Variants in MYO5C observed in about 807,000 individuals in gnomAD.
The protein encoded by MYO5C is myosin VC, also known as unconventional myosin-Vc.
MYO5C carries 194 observed loss-of-function variants against 235.7 expected under a neutral mutation model. The observed-to-expected ratio is 0.82, with a 90% CI of 0.73 to 0.93. MYO5C has a LOEUF of 0.93. Among genes scored for constraint, MYO5C ranks in the 40% least tolerant of loss-of-function variants. MYO5C has a pLI of 0.00. For synonymous variants in MYO5C, 707 were observed against 754.8 expected (o/e 0.94, Z 1.04); for missense variants, 2,038 against 2,127.2 (o/e 0.96, Z 0.82).
intron 6 of MYO5C, 24 bp downstream of exon 6, chr15:52,272,556 G>A (rs899645899): frequency 1.2e-6 from 2 of 1,609,536 alleles, no homozygotes; most frequent in African/African-American, 2.7e-5. Context: ...CAAAAAGTTG[G>A]GGAAAAGGAA....
intron 5 of MYO5C, among the ~76,000 whole-genome samples, chr15:52,274,935 C>T (rs192109179): frequency 5.3e-5 from 8 of 152,290 alleles, no homozygotes; most frequent in East Asian, 3.9e-4. Flanking sequence ...TCCCATTTTG[C>T]GGGGCAGCTG....
At chr15:52,228,168 G>C (rs936734653) in intron 25 of MYO5C, among the ~76,000 whole-genome samples, 7 of 151,320 alleles carry the variant, frequency 4.6e-5, no homozygotes, top group African/African-American at 4.9e-5. Context: ...TTTTGAGACG[G>C]AGTCTCGGTC....
chr15:52,225,425 C>A lies in MYO5C; in HGVS notation c.3301+14G>T. ...GTCTGCACCCATGGACTAAGAGACT[C>A]ATATTTTTATTACCTCTCATTTCCC... On this transcript the variant is annotated intron_variant, in intron 26 of 40. Coordinates refer to ENST00000261839, the MANE Select transcript of MYO5C (RefSeq NM_018728.4). 1 of 1,580,856 alleles carries A rather than the reference C, an allele frequency of 6.3e-7. No homozygotes were observed. The highest frequency in any genetic ancestry group is 1.1e-5 in the South Asian group (1 of 90,364).
intron 2 of MYO5C, among the ~76,000 whole-genome samples, chr15:52,281,817 A>G (rs2037167271): frequency 6.6e-6 from 1 of 152,244 alleles, no homozygotes; most frequent in East Asian, 1.9e-4. Context: ...CAGTCTGATT[A>G]GAAGTAGTGT....
intron 12 of MYO5C, among the ~76,000 whole-genome samples, chr15:52,252,039 T>C (rs994730037): frequency 6.6e-6 from 1 of 152,184 alleles, no homozygotes; most frequent in Non-Finnish European, 1.5e-5. Context: ...CTTTAAAAAT[T>C]ATTATTAATT....
chr15:52,291,729 A>ATTTTTTTTTTTTTTTTTTT (rs1317823747), intron 1 of MYO5C, among the ~76,000 whole-genome samples: 1 of 46,720 alleles, frequency 2.1e-5, no homozygotes. Context: ...TGCATATTTT[A>ATTTTTTTTTTTTTTTTTTT]TGTTTTTTTT....
At chr15:52,226,500 ACCCT>A (rs997750209) in intron 25 of MYO5C, among the ~76,000 whole-genome samples, 2 of 152,170 alleles carry the variant, frequency 1.3e-5, no homozygotes, top group Non-Finnish European at 2.9e-5. Flanking sequence ...TTTTTCAGTT[ACCCT>A]GAGTATTTAA....
chr15:52,241,416 C>T (rs1052763288), intron 20 of MYO5C, among the ~76,000 whole-genome samples: 2 of 151,960 alleles, frequency 1.3e-5, no homozygotes, highest in African/African-American at 4.8e-5. Flanking sequence ...CCCGTCACCA[C>T]ACCCGGCTAA....
Position 52,235,751 on chromosome 15 carries a change from G to A in MYO5C, c.2881C>T (p.Leu961Phe). 6.2e-7 allele frequency: 1 copy of A among 1,608,440 alleles called. No homozygotes were observed. Among genetic ancestry groups the A allele is most frequent in the Non-Finnish European group, 8.5e-7 (1 of 1,177,066 alleles). The change falls in exon 23 of 41, where the codon CTT becomes TTT. Residue 961 changes from leucine (L) to phenylalanine (F), a missense_variant. Physicochemically the swap from Leu to Phe is conservative, Grantham distance 22 (BLOSUM62 0). Transcript: ENST00000261839. Reference sequence around the variant, plus strand: ...TCCAGTTCTGAATTATGCTTCTGAAGCTTTGCCAATTTCTAGCAGAGGGAA... The same window carrying A: ...TCCAGTTCTGAATTATGCTTCTGAAACTTTGCCAATTTCTAGCAGAGGGAA... ...RDAVEEKLAK[L>F]QKHNSELETQ...
At chr15:52,241,987 T>G in intron 20 of MYO5C, 61 bp downstream of exon 20, 2 of 1,516,526 alleles carry the variant, frequency 1.3e-6, no homozygotes, top group Non-Finnish European at 1.8e-6. Flanking sequence ...TGGGCCCTGT[T>G]TTGTTCTCAG....
At position 52,195,321 on chromosome 15, in the gene MYO5C, C is replaced by A. The variant is rs1566955987; in HGVS notation, c.5076+56G>T. On this transcript the variant is annotated intron_variant, in intron 40 of 40. Coordinates refer to ENST00000261839, the MANE Select transcript of MYO5C (RefSeq NM_018728.4). The stretch of plus-strand genomic sequence containing the variant: ...TTCTATAATGTTAATTAAGTATCAA[C>A]ATCTTATACCATAGTTAGGAAGTAA... 9 of 1,169,882 alleles carry A rather than the reference C, an allele frequency of 7.7e-6. No homozygotes were observed. In the East Asian group the frequency reaches 2.2e-4, roughly 28 times the overall value. 72.5% of individuals were successfully genotyped at this position (1,169,882 alleles called of 1,614,324 possible). A position where few individuals can be genotyped will look rare whatever the true frequency, so the allele number is the denominator to read the frequency against.
intron 8 of MYO5C, among the ~76,000 whole-genome samples, chr15:52,268,002 G>T (rs567078229): frequency 2.0e-5 from 3 of 152,276 alleles, no homozygotes; most frequent in African/African-American, 7.2e-5. Context: ...AGTCAGTGCC[G>T]AAAGTGTTTA....
At chr15:52,205,447 C>T (rs2035289718) in intron 37 of MYO5C, 1 of 381,576 alleles carries the variant, frequency 2.6e-6, no homozygotes, top group East Asian at 4.4e-5. Flanking sequence ...GGCATTAAAG[C>T]CTAAAGTATT....
chr15:52,221,226 T>C lies in MYO5C; in HGVS notation c.3657A>G (p.Ser1219=), dbSNP rs1179577240. The C allele has an allele frequency of 1.2e-6, 2 of 1,612,696 alleles. No homozygotes were observed. Among genetic ancestry groups the C allele is most frequent in the Non-Finnish European group, 1.7e-6 (2 of 1,179,272 alleles). Residue 1219 remains serine (S), a synonymous_variant, in exon 30 of 41, where the codon TCA becomes TCG. Coordinates refer to ENST00000261839, the MANE Select transcript of MYO5C (RefSeq NM_018728.4). The part of the protein sequence containing the change: ...MMIPDFKQQI[S]ELEKQKQDLE... The stretch of plus-strand genomic sequence containing the variant: ...GATCTTGCTTCTGTTTCTCCAATTC[T>C]GAAATTTGCTGTTTAAAGTCTGGGA...
intron 35 of MYO5C, 39 bp from the exon 36 acceptor site, chr15:52,208,682 T>C (rs767713261): frequency 4.5e-6 from 7 of 1,560,546 alleles, no homozygotes; most frequent in African/African-American, 1.4e-5. Flanking sequence ...GTCTTGATGA[T>C]TACTTGTACC....
At position 52,250,639 on chromosome 15, in the gene MYO5C, C is replaced by T. The variant is rs570778470; in HGVS notation, c.1662+751G>A. Among the ~76,000 whole-genome samples, 29 of 152,280 alleles carry T rather than the reference C, an allele frequency of 1.9e-4. No individual in the cohort carries two copies. The South Asian group carries it at 2.9e-3, about 15-fold the overall frequency. ...TCCCCTCCCTCCACCATCAGTCACT[C>T]GGGAATGACCAGCTCTGACTCACAG... On this transcript the variant is annotated intron_variant, in intron 13 of 40. Transcript: ENST00000261839.
chr15:52,197,624 C>T (rs1317370892), intron 38 of MYO5C, among the ~76,000 whole-genome samples: 1 of 152,022 alleles, frequency 6.6e-6, no homozygotes, highest in Non-Finnish European at 1.5e-5. Context: ...GAACTATACA[C>T]TTTATTTACT....
chr15:52,220,536 G>A (rs1247552957), intron 30 of MYO5C, among the ~76,000 whole-genome samples: 1 of 151,982 alleles, frequency 6.6e-6, no homozygotes, highest in East Asian at 1.9e-4. Flanking sequence ...AAAAATTTTT[G>A]GGCTGGGTTC....
At chr15:52,212,620 C>T (rs1479478590) in intron 34 of MYO5C, among the ~76,000 whole-genome samples, 1 of 152,196 alleles carries the variant, frequency 6.6e-6, no homozygotes, top group Non-Finnish European at 1.5e-5. Flanking sequence ...CAGAAAACCA[C>T]GTGGAAGGTC....
Sources: gnomAD v4.1 joint callset for allele counts (sites outside exome capture counted in the v4.1 genomes callset) on GRCh38, gnomAD v4.1.1 for gene constraint, MANE v1.5 for transcripts, NCBI Gene and HGNC (gene_info 2026-07-23, HGNC 2026-07-21) for gene names.